The following HS6ST2 variants were observed in gnomAD, a reference collection of about 807,000 sequenced individuals.
HS6ST2 encodes heparan-sulfate 6-O-sulfotransferase 2.
A neutral mutation model predicts 33.0 loss-of-function variants in HS6ST2; 17 were observed. The observed-to-expected ratio is 0.52, with a 90% CI of 0.35 to 0.77. The LOEUF is 0.77. Among genes scored for constraint, HS6ST2 ranks in the 30% least tolerant of loss-of-function variants. The probability of loss-of-function intolerance (pLI) is 0.01; values close to 1 mark genes in which losing one functional copy is unlikely to be tolerated. For missense variants in HS6ST2, 519 were observed against 551.7 expected, an observed-to-expected ratio of 0.94 and a Z score of 0.59; for synonymous variants, 248 against 237.1, an observed-to-expected ratio of 1.05 and a Z score of -0.42.
chrX:132,952,343 T>C (rs933746733), intron 2 of HS6ST2, among the ~76,000 whole-genome samples: 2 of 91,008 alleles, frequency 2.2e-5, no homozygotes, highest in Non-Finnish European at 4.4e-5. Context: ...GCTGAAGAAA[T>C]GTATCCTCAG....
At chrX:132,951,786 A>C (rs1265987625) in intron 2 of HS6ST2, among the ~76,000 whole-genome samples, 3 of 112,452 alleles carry the variant, frequency 2.7e-5, no homozygotes, top group African/African-American at 9.7e-5. Context: ...GATTAGACCC[A>C]AACTACAACA....
chrX:132,927,250 C>A (rs1162193759), intron 2 of HS6ST2, among the ~76,000 whole-genome samples: 1 of 111,262 alleles, frequency 9.0e-6, no homozygotes, highest in Non-Finnish European at 1.9e-5. Context: ...ACAATCACTT[C>A]CCCAAGCCAA....
chrX:132,787,929 ATG>A (rs1308619490), intron 2 of HS6ST2, among the ~76,000 whole-genome samples: 1 of 110,492 alleles, frequency 9.1e-6, no homozygotes, highest in African/African-American at 3.3e-5. Flanking sequence ...AATTGATGAC[ATG>A]TGTTTATCTA....
chrX:132,923,250 C>A (rs766411064), intron 2 of HS6ST2, among the ~76,000 whole-genome samples: 1 of 110,706 alleles, frequency 9.0e-6, no homozygotes, highest in East Asian at 2.8e-4. Context: ...TGCTTCTTAT[C>A]AGACTTAAGG....
At chrX:132,695,572 A>T (rs2064097569) in intron 3 of HS6ST2, among the ~76,000 whole-genome samples, 1 of 111,773 alleles carries the variant, frequency 8.9e-6, no homozygotes, top group Non-Finnish European at 1.9e-5. Flanking sequence ...AATTATAAGC[A>T]GTCAAAGTAA....
intron 2 of HS6ST2, among the ~76,000 whole-genome samples, chrX:132,862,802 C>T (rs748219975): frequency 1.8e-5 from 2 of 112,075 alleles, no homozygotes; most frequent in South Asian, 7.4e-4. Context: ...ACTTAGTACA[C>T]AATCTAGCAC....
At chrX:132,834,129 G>A (rs1048162430) in intron 2 of HS6ST2, among the ~76,000 whole-genome samples, 2 of 111,134 alleles carry the variant, frequency 1.8e-5, no homozygotes, top group Non-Finnish European at 3.8e-5. Context: ...TTCTTTTCCC[G>A]TGCCAAAGTT....
At chrX:132,920,999 C>T (rs901953700) in intron 2 of HS6ST2, among the ~76,000 whole-genome samples, 1 of 112,633 alleles carries the variant, frequency 8.9e-6, no homozygotes, top group Non-Finnish European at 1.9e-5. Flanking sequence ...TGAGAGATAT[C>T]ATCTTGGCTG....
chrX:132,800,178 C>T (rs923209855), intron 2 of HS6ST2, among the ~76,000 whole-genome samples: 2 of 111,706 alleles, frequency 1.8e-5, no homozygotes, highest in Non-Finnish European at 3.8e-5. Context: ...TGCATTACTG[C>T]CTGAGCTCTG....
intron 2 of HS6ST2, among the ~76,000 whole-genome samples, chrX:132,753,908 G>C (rs1203931694): frequency 8.9e-6 from 1 of 112,317 alleles, no homozygotes; most frequent in Non-Finnish European, 1.9e-5. Context: ...ATAGTACAAT[G>C]AGTTCCCATA....
intron 2 of HS6ST2, among the ~76,000 whole-genome samples, chrX:132,883,184 A>C (rs1356917396): frequency 1.8e-5 from 2 of 111,051 alleles, no homozygotes; most frequent in African/African-American, 3.3e-5. Flanking sequence ...TACTGATTGG[A>C]ATAGTTTCAG....
rs182599793 is a variant in HS6ST2, at chrX:132,702,471, A to G, written c.980+5991T>C. On this transcript the variant is annotated intron_variant, in intron 3 of 4. Coordinates refer to ENST00000370833, the MANE Select transcript of HS6ST2 (RefSeq NM_001394073.1). ...AAGAAAAGTGTGGAACACATATTTG[A>G]CAGGAGGCTACATTAGTTTACTCTT... 4.5e-5 allele frequency among the ~76,000 whole-genome samples: 5 copies of G among 112,286 alleles called. No homozygotes were observed. The East Asian group carries it at 1.4e-3, about 32-fold the overall frequency.
intron 2 of HS6ST2, among the ~76,000 whole-genome samples, chrX:132,880,495 A>C (rs2066155745): frequency 1.0e-5 from 1 of 100,063 alleles, no homozygotes; most frequent in African/African-American, 3.7e-5. Context: ...ACTACACTCC[A>C]GCCTGGATGG....
intron 2 of HS6ST2, among the ~76,000 whole-genome samples, chrX:132,810,099 G>T (rs1367151269): frequency 9.0e-6 from 1 of 111,614 alleles, no homozygotes; most frequent in Non-Finnish European, 1.9e-5. Context: ...AATATTAAGG[G>T]ATAGCCTGCA....
At chrX:132,846,137 A>G (rs1252465786) in intron 2 of HS6ST2, among the ~76,000 whole-genome samples, 2 of 112,270 alleles carry the variant, frequency 1.8e-5, no homozygotes, top group Non-Finnish European at 3.8e-5. Flanking sequence ...TCTTCTTTTG[A>G]CTGTTTCCTA....
At chrX:132,722,571 G>A (rs1263162106) in intron 2 of HS6ST2, among the ~76,000 whole-genome samples, 2 of 112,054 alleles carry the variant, frequency 1.8e-5, no homozygotes, top group Admixed American at 1.9e-4. Flanking sequence ...AAAAACAGGT[G>A]TTTTTGTAAA....
chrX:132,739,300 C>G (rs768805303), intron 2 of HS6ST2, among the ~76,000 whole-genome samples: 29 of 111,361 alleles, frequency 2.6e-4, no homozygotes, highest in African/African-American at 9.1e-4. Context: ...ATTGGTGGGG[C>G]TGACACTAGA....
chrX:132,842,545 A>G (rs1041819000), intron 2 of HS6ST2, among the ~76,000 whole-genome samples: 7 of 111,704 alleles, frequency 6.3e-5, no homozygotes, highest in Non-Finnish European at 1.3e-4. Context: ...AAATCCCGAG[A>G]GAGAAAGACA....
At chrX:132,670,023 C>A (rs111510857) in intron 3 of HS6ST2, 3 of 111,926 alleles carry the variant, frequency 2.7e-5, no homozygotes, top group African/African-American at 9.7e-5. Context: ...CTTCAGATTT[C>A]CATGGAAACC....
Sources: gnomAD v4.1 joint callset for allele counts (sites outside exome capture counted in the v4.1 genomes callset) on GRCh38, gnomAD v4.1.1 for gene constraint, MANE v1.5 for transcripts, NCBI Gene and HGNC (gene_info 2026-07-23, HGNC 2026-07-21) for gene names.